Variants in TMC7 observed in about 807,000 individuals in gnomAD.
TMC7 encodes the protein transmembrane channel-like protein 7.
Under a neutral mutation model 82.9 loss-of-function variants are expected in TMC7, and 54 were observed. The observed-to-expected ratio is 0.65, with a 90% CI of 0.52 to 0.82. TMC7 has a LOEUF of 0.82. Among genes scored for constraint, TMC7 ranks in the 40% least tolerant of loss-of-function variants. The pLI, the probability that TMC7 is intolerant of heterozygous loss-of-function variation, is 0.00. For missense variants in TMC7, 820 were observed against 901.2 expected (o/e 0.91, Z 1.15); for synonymous variants, 350 against 337.9 (o/e 1.04, Z -0.39).
intron 1 of TMC7, among the ~76,000 whole-genome samples, chr16:18,996,787 G>T (rs901786801): frequency 3.9e-5 from 6 of 152,172 alleles, no homozygotes; most frequent in Non-Finnish European, 7.3e-5. Context: ...TGCCACCAAG[G>T]GAATGTGGGT....
Position 19,016,588 on chromosome 16 carries a change from C to A in TMC7, c.450C>A (p.Arg150=). The change falls in exon 3 of 16, where the codon CGC becomes CGA. Residue 150 remains arginine (R), a synonymous_variant. Transcript: ENST00000304381. ...TGGAGCTGTGGCGGGAGGACATCCG[C>A]AGCATAGAAGGTATGCTGTCCTCAC... ...THLELWREDI[R]SIEGKFGTGI... is the part of the protein sequence containing the mutation. 6.2e-7 allele frequency: 1 copy of A among 1,613,458 alleles called. No homozygotes were observed. The highest frequency in any genetic ancestry group is 8.5e-7 in the Non-Finnish European group (1 of 1,179,932).
chr16:19,057,169 C>A (rs113441727), intron 14 of TMC7, among the ~76,000 whole-genome samples: 8 of 152,096 alleles, frequency 5.3e-5, no homozygotes, highest in African/African-American at 1.9e-4. Flanking sequence ...ATAAACTAGG[C>A]ATAATAATAG....
Position 18,983,947 on chromosome 16 carries a change from T to G in TMC7, c.-117T>G. The G allele has an allele frequency of 8.8e-7, 1 of 1,134,862 alleles. No homozygotes were observed. Among genetic ancestry groups the G allele is most frequent in the Non-Finnish European group, 1.2e-6 (1 of 869,482 alleles). 70.3% of individuals were successfully genotyped at this position (1,134,862 alleles called of 1,614,324 possible). A position where few individuals can be genotyped will look rare whatever the true frequency, so the allele number is the denominator to read the frequency against. ...CGGGGGCGCCCCACTCCGGCTTCTG[T>G]GATGTCAGCGCCGGAACCTGGAATC... is the stretch of plus-strand genomic sequence containing the variant. On this transcript the variant is annotated 5_prime_UTR_variant, in exon 1 of 16. Transcript: ENST00000304381.
intron 12 of TMC7, among the ~76,000 whole-genome samples, chr16:19,051,383 C>G (rs992003703): frequency 1.3e-5 from 2 of 151,264 alleles, no homozygotes; most frequent in African/African-American, 2.4e-5. Flanking sequence ...GGTATGTCTC[C>G]TAATGCTATC....
chr16:18,992,840 T>C (rs1419135815), intron 1 of TMC7, among the ~76,000 whole-genome samples: 3 of 152,216 alleles, frequency 2.0e-5, no homozygotes, highest in Non-Finnish European at 2.9e-5. Context: ...CCCAGAACTA[T>C]TTATTAAATA....
In TMC7 at chr16:19,063,022, G is replaced by A. The variant is rs960103339; in HGVS notation, c.*1179G>A. The A allele has an allele frequency of 6.6e-6, 1 of 152,066 alleles. No individual in the cohort carries two copies. The highest frequency in any genetic ancestry group is 1.5e-5 in the Non-Finnish European group (1 of 68,018). 9.4% of individuals were successfully genotyped at this position (152,066 alleles called of 1,614,324 possible). On this transcript the variant is annotated 3_prime_UTR_variant, in exon 16 of 16. Transcript: ENST00000304381. ...CTCAGAGGAGCAAAGGTATCTTCTC[G>A]TCCCTTTCTTACAGCCATTTTCTTG...
At chr16:19,014,147 T>G (rs1959546325) in intron 2 of TMC7, among the ~76,000 whole-genome samples, 1 of 152,116 alleles carries the variant, frequency 6.6e-6, no homozygotes, top group Non-Finnish European at 1.5e-5. Context: ...ATTACAGGCG[T>G]GAGCCACCAC....
At chr16:18,998,893 C>G (rs1323676002) in intron 1 of TMC7, among the ~76,000 whole-genome samples, 2 of 152,176 alleles carry the variant, frequency 1.3e-5, no homozygotes, top group African/African-American at 4.8e-5. Flanking sequence ...AGTCACCGGC[C>G]CCACCCAGGT....
intron 14 of TMC7, among the ~76,000 whole-genome samples, chr16:19,057,698 C>T (rs944685559): frequency 6.6e-6 from 1 of 152,248 alleles, no homozygotes; most frequent in African/African-American, 2.4e-5. Context: ...ACTTAAGTAT[C>T]TCAGGGACTT....
chr16:19,050,965 C>T (rs1961510699), intron 12 of TMC7, among the ~76,000 whole-genome samples: 1 of 151,732 alleles, frequency 6.6e-6, no homozygotes, highest in Non-Finnish European at 1.5e-5. Flanking sequence ...TAGCTCACTG[C>T]AGCCTCAAAG....
chr16:19,027,126 G>A (rs565052755), intron 5 of TMC7, among the ~76,000 whole-genome samples: 1 of 134,514 alleles, frequency 7.4e-6, no homozygotes. Flanking sequence ...CTGGAGTGCA[G>A]TGGTGCAATC....
intron 1 of TMC7, among the ~76,000 whole-genome samples, chr16:18,988,701 G>A (rs1226521390): frequency 6.6e-6 from 1 of 152,114 alleles, no homozygotes; most frequent in Non-Finnish European, 1.5e-5. Context: ...ACTTGATTAC[G>A]GGCATGACTG....
chr16:19,007,795 TC>T (rs1395229578), intron 1 of TMC7, among the ~76,000 whole-genome samples: 24 of 151,526 alleles, frequency 1.6e-4, no homozygotes, highest in African/African-American at 1.9e-4. Context: ...TTTTTTTTTT[TC>T]ATTACACTTA....
intron 1 of TMC7, among the ~76,000 whole-genome samples, chr16:19,005,481 T>C (rs1253426264): frequency 6.6e-6 from 1 of 152,190 alleles, no homozygotes; most frequent in Non-Finnish European, 1.5e-5. Flanking sequence ...AACTCCTTCC[T>C]CACCATCATG....
chr16:19,057,012 G>A (rs144926435), intron 14 of TMC7, among the ~76,000 whole-genome samples: 2 of 152,040 alleles, frequency 1.3e-5, no homozygotes, highest in Non-Finnish European at 2.9e-5. Flanking sequence ...GGTGGTGCAT[G>A]CCTGTAATGC....
chr16:19,022,028 A>T (rs1960004117), intron 4 of TMC7, among the ~76,000 whole-genome samples: 1 of 152,130 alleles, frequency 6.6e-6, no homozygotes, highest in South Asian at 2.1e-4. Flanking sequence ...AGAAATAACC[A>T]CAAAGGTTCA....
chr16:19,050,942 A>G (rs1961509913), intron 12 of TMC7, among the ~76,000 whole-genome samples: 2 of 151,736 alleles, frequency 1.3e-5, no homozygotes, highest in Admixed American at 6.6e-5. Flanking sequence ...GCTGGAATGC[A>G]ATGGCATGAT....
At chr16:19,022,207 A>G (rs1596753715) in intron 4 of TMC7, among the ~76,000 whole-genome samples, 1 of 152,240 alleles carries the variant, frequency 6.6e-6, no homozygotes, top group Non-Finnish European at 1.5e-5. Flanking sequence ...TGGGGAGAAT[A>G]GTGAAGGAAA....
In TMC7 at chr16:19,016,568, C is replaced by T. The variant is rs752332507; in HGVS notation, c.430C>T (p.Leu144=). ...KAREMTTHLE[L]WREDIRSIEG... ...TCGAGAGATGACGACCCACCTGGAG[C>T]TGTGGCGGGAGGACATCCGCAGCAT... The change falls in exon 3 of 16, where the codon CTG becomes TTG. Residue 144 remains leucine (L), a synonymous_variant. Transcript: ENST00000304381. 2.2e-5 allele frequency: 35 copies of T among 1,613,894 alleles called. No individual in the cohort carries two copies. Among genetic ancestry groups the T allele is most frequent in the African/African-American group, 2.7e-5 (2 of 74,906 alleles).
Sources: gnomAD v4.1 joint callset for allele counts (sites outside exome capture counted in the v4.1 genomes callset) on GRCh38, gnomAD v4.1.1 for gene constraint, MANE v1.5 for transcripts, NCBI Gene and HGNC (gene_info 2026-07-23, HGNC 2026-07-21) for gene names.